Variants in FAM13C observed in about 807,000 individuals in gnomAD.
FAM13C encodes the protein protein FAM13C.
A neutral mutation model predicts 73.2 loss-of-function variants in FAM13C; 37 were observed. The observed-to-expected ratio is 0.51, with a 90% CI of 0.39 to 0.67. The LOEUF is 0.67. Ranked by LOEUF, FAM13C falls within the 30% of genes least tolerant of loss-of-function variation. FAM13C has a pLI of 0.00. For missense variants in FAM13C, 589 were observed against 715.6 expected, an observed-to-expected ratio of 0.82 and a Z score of 2.02; for synonymous variants, 246 against 260.9, an observed-to-expected ratio of 0.94 and a Z score of 0.55.
At chr10:59,257,449 T>C (rs1842052994) in intron 10 of FAM13C, among the ~76,000 whole-genome samples, 1 of 152,212 alleles carries the variant, frequency 6.6e-6, no homozygotes. Flanking sequence ...TGCCATGTAT[T>C]CTTCCACAGT....
In FAM13C at chr10:59,268,688, C is replaced by T. The variant is rs145107572; in HGVS notation, c.807G>A (p.Pro269=). The T allele has an allele frequency of 3.6e-4, 582 of 1,611,470 alleles. 1 individual carries two copies. The highest frequency in any genetic ancestry group is 1.7e-3 in the South Asian group (156 of 90,850). The change falls in exon 8 of 14, where the codon CCG becomes CCA. Residue 269 remains proline (P), a synonymous_variant. Transcript: ENST00000618804. ...SPPSTQQFMM[P]RSSSRCSCGD... is the part of the protein sequence containing the mutation. The stretch of plus-strand genomic sequence containing the variant: ...CACAGCTGCAGCGTGAAGAACTCCG[C>T]GGCCTGCAGTGATTACAAGGAGGAA...
At chr10:59,350,813 G>A (rs560453050) in intron 3 of FAM13C, among the ~76,000 whole-genome samples, 1 of 152,280 alleles carries the variant, frequency 6.6e-6, no homozygotes, top group South Asian at 2.1e-4. Flanking sequence ...ATGCATGTTT[G>A]CTAAACAGGA....
chr10:59,248,841 T>C (rs1190923224), intron 13 of FAM13C, among the ~76,000 whole-genome samples: 5 of 152,206 alleles, frequency 3.3e-5, no homozygotes, highest in African/African-American at 1.2e-4. Context: ...ATTTCAACAC[T>C]ATTTATTGCC....
At position 59,270,024 on chromosome 10, in the gene FAM13C, G is replaced by C. The variant is rs1646721707; in HGVS notation, c.678C>G (p.Leu226=). ...DLHSVGTSRL[L]YHITDGDNPL... ...GGTTATCACCATCAGTGATGTGATA[G>C]AGCAGCCTGCTGGTCCCCACAGAGT... Residue 226 remains leucine, a synonymous_variant, in exon 7 of 14, where the codon CTC becomes CTG. Transcript: ENST00000618804. The C allele has an allele frequency of 6.2e-7, 1 of 1,613,828 alleles. No individual in the cohort carries two copies. The highest frequency in any genetic ancestry group is 1.7e-5 in the Admixed American group (1 of 59,986).
At position 59,275,015 on chromosome 10, in the gene FAM13C, T is replaced by C. The variant is rs537239052; in HGVS notation, c.593-4906A>G. 6.6e-5 allele frequency among the ~76,000 whole-genome samples: 10 copies of C among 152,334 alleles called. No individual in the cohort carries two copies. The South Asian group carries it at 2.1e-3, about 32-fold the overall frequency. ...TTGACTCTCCAGGTCTTCTAGTCGA[T>C]TCTTGAATAGTTGATCACCTTAGTG... is the stretch of plus-strand genomic sequence containing the variant. On this transcript the variant is annotated intron_variant, in intron 6 of 13. Transcript: ENST00000618804.
rs372063389 is a variant in FAM13C at position 59,324,084 on chromosome 10, C to A, written c.347G>T (p.Ser116Ile). ...TGCTCTCACCTGACACTCTGACTGG[C>A]TGGATACCACATGCTCTGTCTCCTG... ...ESQETEHVVS[S>I]QSECQVRAGT... Residue 116 changes from serine to isoleucine, a missense_variant, in exon 4 of 14, where the codon AGC (serine) becomes ATC (isoleucine). By Grantham distance (142) the Ser-to-Ile change is moderately radical. Coordinates refer to ENST00000618804, the MANE Select transcript of FAM13C (RefSeq NM_198215.4). 6.2e-7 allele frequency: 1 copy of A among 1,613,762 alleles called. No individual in the cohort carries two copies. The highest frequency in any genetic ancestry group is 8.5e-7 in the Non-Finnish European group (1 of 1,179,896).
At chr10:59,333,583 G>A (rs1488736871) in intron 3 of FAM13C, among the ~76,000 whole-genome samples, 1 of 152,090 alleles carries the variant, frequency 6.6e-6, no homozygotes, top group Non-Finnish European at 1.5e-5. Flanking sequence ...TTCCTTTTTT[G>A]GGGGCTGAGA....
At chr10:59,325,095 G>A (rs73299232) in intron 3 of FAM13C, among the ~76,000 whole-genome samples, 7,554 of 152,114 alleles carry the variant, frequency 0.05, 560 homozygotes, top group African/African-American at 0.16. Flanking sequence ...AAAAATCTGC[G>A]AGAAATTCAG....
chr10:59,337,516 A>G (rs992136971), intron 3 of FAM13C, among the ~76,000 whole-genome samples: 1 of 152,194 alleles, frequency 6.6e-6, no homozygotes. Flanking sequence ...CAAAAGCACA[A>G]ATGATTGCCA....
In FAM13C at chr10:59,270,067, C is replaced by T. The variant is rs143474599; in HGVS notation, c.635G>A (p.Ser212Asn). 3.3e-5 allele frequency: 54 copies of T among 1,613,478 alleles called. No homozygotes were observed. Among genetic ancestry groups the T allele is most frequent in the Non-Finnish European group, 4.5e-5 (53 of 1,179,770 alleles). The change falls in exon 7 of 14, where the codon AGT becomes AAT. Residue 212 changes from serine to asparagine, a missense_variant. By Grantham distance (46) the Ser-to-Asn change is conservative (BLOSUM62 1). Transcript: ENST00000618804. ...CACAGAGTGGAGGTCTTCTGGTGCA[C>T]TGTCGGCCTCATTCTGCCCATCTTT... ...VHKDGQNEAD[S>N]APEDLHSVGT...
chr10:59,274,531 G>C (rs1294546278), intron 6 of FAM13C, among the ~76,000 whole-genome samples: 1 of 152,126 alleles, frequency 6.6e-6, no homozygotes, highest in Non-Finnish European at 1.5e-5. Flanking sequence ...GACGTGTTAG[G>C]GAGCTGGAGG....
At chr10:59,360,897 A>T in intron 1 of FAM13C, 1 of 379,810 alleles carries the variant, frequency 2.6e-6, no homozygotes, top group Non-Finnish European at 4.9e-6. Flanking sequence ...TGAAATCTGG[A>T]GCTAAGTGTC....
chr10:59,338,440 A>G (rs1191414471), intron 3 of FAM13C, among the ~76,000 whole-genome samples: 3 of 152,194 alleles, frequency 2.0e-5, no homozygotes, highest in Non-Finnish European at 4.4e-5. Context: ...TCATTCTATT[A>G]GTTCAAAACC....
intron 10 of FAM13C, among the ~76,000 whole-genome samples, chr10:59,259,500 C>T (rs969712927): frequency 7.2e-5 from 11 of 152,102 alleles, no homozygotes; most frequent in Admixed American, 2.0e-4. Flanking sequence ...TCTTTGGTTA[C>T]GTTGTAGCCT....
chr10:59,362,397 A>G lies in FAM13C; in HGVS notation c.62+2T>C. Reference sequence around the variant, plus strand: ...CTAATTTTAATGGTAAGAATCACTTACTCTGTTACAGTGGTGCTGCTGAAG... The same window carrying G: ...CTAATTTTAATGGTAAGAATCACTTGCTCTGTTACAGTGGTGCTGCTGAAG... On this transcript the variant is annotated splice_donor_variant, in intron 1 of 13. Transcript: ENST00000618804. LOFTEE classifies it high-confidence loss of function. 1 of 1,613,830 alleles carries G rather than the reference A, an allele frequency of 6.2e-7. No homozygotes were observed. The highest frequency in any genetic ancestry group is 8.5e-7 in the Non-Finnish European group (1 of 1,179,918).
chr10:59,276,619 C>G (rs1301264933), intron 6 of FAM13C, among the ~76,000 whole-genome samples: 1 of 152,120 alleles, frequency 6.6e-6, no homozygotes, highest in Admixed American at 6.6e-5. Flanking sequence ...CTAGGCAGAA[C>G]CTTTTGCAAA....
At chr10:59,251,764 CA>C (rs1841404002) in intron 12 of FAM13C, 88 bp from the exon 13 acceptor site, 2 of 1,000,364 alleles carry the variant, frequency 2.0e-6, no homozygotes, top group South Asian at 1.7e-5. Context: ...GCCAAAAAAG[CA>C]TCTATGATTG....
At chr10:59,287,605 A>G (rs2133740219) in intron 5 of FAM13C, among the ~76,000 whole-genome samples, 1 of 152,248 alleles carries the variant, frequency 6.6e-6, no homozygotes, top group Non-Finnish European at 1.5e-5. Context: ...TTTGCTACAT[A>G]CCATGTGTCT....
intron 4 of FAM13C, among the ~76,000 whole-genome samples, chr10:59,320,512 G>A (rs1850083000): frequency 6.6e-6 from 1 of 152,280 alleles, no homozygotes; most frequent in South Asian, 2.1e-4. Context: ...TAGGACAAGG[G>A]TTCTGTTAAA....
Sources: gnomAD v4.1 joint callset for allele counts (sites outside exome capture counted in the v4.1 genomes callset) on GRCh38, gnomAD v4.1.1 for gene constraint, MANE v1.5 for transcripts, NCBI Gene and HGNC (gene_info 2026-07-23, HGNC 2026-07-21) for gene names.